MAGED1: variants seen among roughly 807,000 people sequenced by gnomAD.
MAGED1 encodes the protein MAGE family member D1.
A neutral mutation model predicts 54.1 loss-of-function variants in MAGED1; 3 were observed. The ratio of observed to expected loss-of-function variants is 0.06; its 90% CI spans 0.03 to 0.14. The LOEUF (loss-of-function observed/expected upper bound fraction) is 0.14, where lower values mean the gene tolerates loss of function less well. MAGED1 is among the 10% of genes least tolerant of loss of function. The pLI is 1.00. For missense variants in MAGED1, 485 were observed against 623.4 expected (o/e 0.78, Z 2.36); for synonymous variants, 217 against 227.3 (o/e 0.95, Z 0.41).
Position 51,896,768 on chromosome X carries a change from A to G in MAGED1, c.1113A>G (p.Pro371=), listed in dbSNP as rs782700954. 2.2e-5 allele frequency: 27 copies of G among 1,210,934 alleles called. No individual in the cohort carries two copies. The Admixed American group carries it at 5.6e-4, about 25-fold the overall frequency. ...CCGGCCCTGTTGTCTGGCCGAATCC[A>G]CTGGCCTGGCAGAATCCACCTGGAT... The part of the protein sequence containing the change: ...VWPGPVVWPN[P]LAWQNPPGWQ... The change falls in exon 4 of 13, where the codon CCA becomes CCG. Residue 371 remains proline (P), a synonymous_variant. Transcript: ENST00000326587.
At chrX:51,850,270 G>C (rs1281913157) in intron 1 of MAGED1, among the ~76,000 whole-genome samples, 3 of 111,593 alleles carry the variant, frequency 2.7e-5, no homozygotes, top group South Asian at 3.8e-4. Flanking sequence ...CTAGTGAGCT[G>C]TGTTGGATGT....
intron 1 of MAGED1, among the ~76,000 whole-genome samples, chrX:51,805,787 C>G (rs1557355011): frequency 9.2e-6 from 1 of 108,768 alleles, no homozygotes; most frequent in African/African-American, 3.3e-5. Context: ...ATGCATCCAT[C>G]CATCCATCCA....
At chrX:51,815,582 G>A (rs933481053) in intron 1 of MAGED1, among the ~76,000 whole-genome samples, 64 of 109,069 alleles carry the variant, frequency 5.9e-4, no homozygotes, top group African/African-American at 2.0e-3. Context: ...GAGTGCAACG[G>A]TGCAATCTCG....
intron 1 of MAGED1, among the ~76,000 whole-genome samples, chrX:51,859,997 G>A (rs1927222837): frequency 9.0e-6 from 1 of 111,272 alleles, no homozygotes. Flanking sequence ...CGGGTGCATT[G>A]GCTCACATCT....
intron 1 of MAGED1, among the ~76,000 whole-genome samples, chrX:51,819,929 A>G (rs1352446514): frequency 2.7e-5 from 3 of 111,865 alleles, no homozygotes; most frequent in Non-Finnish European, 5.6e-5. Context: ...TTATAATTTT[A>G]GCTTCTACAT....
chrX:51,823,933 T>A (rs1320323563), intron 1 of MAGED1, among the ~76,000 whole-genome samples: 1 of 111,807 alleles, frequency 8.9e-6, no homozygotes, highest in Non-Finnish European at 1.9e-5. Flanking sequence ...TTTATGTTGT[T>A]AGTGTCACAA....
In MAGED1 at chrX:51,845,854, C is replaced by T. The variant is rs186008148; in HGVS notation, c.-37+42737C>T. ...GCAGTGGCGTGACCATGGCTCACTGCAGCCTCTATCTCCCAAGTTCAGGTG... is the reference window on the plus strand; with the variant it reads ...GCAGTGGCGTGACCATGGCTCACTGTAGCCTCTATCTCCCAAGTTCAGGTG... On this transcript the variant is annotated intron_variant, in intron 1 of 12. Transcript: ENST00000375772. Among the ~76,000 whole-genome samples the T allele has an allele frequency of 7.2e-5, 8 of 111,573 alleles. No homozygotes were observed. In the East Asian group the frequency reaches 8.5e-4, roughly 12 times the overall value.
At chrX:51,840,001 A>G (rs1557358297) in intron 1 of MAGED1, among the ~76,000 whole-genome samples, 3 of 112,079 alleles carry the variant, frequency 2.7e-5, no homozygotes, top group Non-Finnish European at 5.6e-5. Context: ...ACGCTAATAC[A>G]TTCGCTTTCA....
intron 1 of MAGED1, among the ~76,000 whole-genome samples, chrX:51,833,849 C>T (rs185309237): frequency 1.2e-3 from 137 of 111,581 alleles, no homozygotes; most frequent in African/African-American, 3.1e-3. Context: ...TTTAGAAAAT[C>T]GCAATGCAAT....
At chrX:51,895,894 T>C (rs1237012620) in intron 3 of MAGED1, 134 bp downstream of exon 3, 2 of 506,511 alleles carry the variant, frequency 3.9e-6, no homozygotes, top group Non-Finnish European at 6.5e-6. Context: ...AGAATGTTTA[T>C]TCCTGTCCTC....
chrX:51,843,773 C>T (rs1014102481), intron 1 of MAGED1, among the ~76,000 whole-genome samples: 1 of 111,433 alleles, frequency 9.0e-6, no homozygotes, highest in Non-Finnish European at 1.9e-5. Context: ...GTGGAAGTGG[C>T]TTTGGAATTG....
chrX:51,842,034 G>GA (rs1366221419), intron 1 of MAGED1, among the ~76,000 whole-genome samples: 5 of 112,069 alleles, frequency 4.5e-5, no homozygotes, highest in Admixed American at 2.8e-4. Context: ...AGCTTCAGAA[G>GA]AAAAACCTAT....
chrX:51,878,661 A>G (rs1436615728), intron 1 of MAGED1, among the ~76,000 whole-genome samples: 1 of 111,809 alleles, frequency 8.9e-6, no homozygotes, highest in Non-Finnish European at 1.9e-5. Flanking sequence ...GAAAGCAGGT[A>G]ATACATGTAT....
At chrX:51,842,747 G>GT (rs1557358768) in intron 1 of MAGED1, among the ~76,000 whole-genome samples, 1 of 111,371 alleles carries the variant, frequency 9.0e-6, no homozygotes, top group African/African-American at 3.3e-5. Context: ...GTGCAGTGGA[G>GT]TGGTCTTGGC....
chrX:51,855,741 G>C (rs1185845722), intron 1 of MAGED1, among the ~76,000 whole-genome samples: 1 of 111,176 alleles, frequency 9.0e-6, no homozygotes, highest in Non-Finnish European at 1.9e-5. Flanking sequence ...GGCCAGGCTG[G>C]TCTCAAACTC....
chrX:51,894,499 A>G, intron 2 of MAGED1, 150 bp downstream of exon 2: 1 of 793,957 alleles, frequency 1.3e-6, no homozygotes, highest in Non-Finnish European at 1.9e-6. Context: ...CGTTTATCGA[A>G]GGGGGGGAGG....
intron 1 of MAGED1, among the ~76,000 whole-genome samples, chrX:51,833,391 T>TA (rs1273898190): frequency 4.5e-5 from 5 of 111,391 alleles, no homozygotes; most frequent in African/African-American, 1.6e-4. Flanking sequence ...TTTAATTTCT[T>TA]AAAAAATCTT....
intron 1 of MAGED1, among the ~76,000 whole-genome samples, chrX:51,815,762 C>T (rs1925397881): frequency 9.0e-6 from 1 of 110,622 alleles, no homozygotes; most frequent in Non-Finnish European, 1.9e-5. Context: ...CTCAGGTGAT[C>T]CGCGCATCTC....
At chrX:51,820,193 G>C (rs1004105178) in intron 1 of MAGED1, among the ~76,000 whole-genome samples, 9 of 111,756 alleles carry the variant, frequency 8.1e-5, no homozygotes, top group Non-Finnish European at 1.7e-4. Flanking sequence ...AGTAAGTTTT[G>C]ATATTGGGAA....
Sources: allele counts gnomAD v4.1 joint callset (sites outside exome capture counted in the v4.1 genomes callset), GRCh38; gene constraint gnomAD v4.1.1; transcripts MANE v1.5; gene names NCBI Gene and HGNC (gene_info 2026-07-23, HGNC 2026-07-21).